SIN3B: variants seen among roughly 807,000 people sequenced by gnomAD.
SIN3B encodes paired amphipathic helix protein Sin3b.
SIN3B carries 19 observed loss-of-function variants against 120.2 expected under a neutral mutation model. That is an observed-to-expected ratio of 0.16 (90% confidence interval 0.11 to 0.23). The LOEUF (loss-of-function observed/expected upper bound fraction) is 0.23, where lower values mean the gene tolerates loss of function less well. SIN3B is among the 10% of genes least tolerant of loss of function. The pLI, the probability that SIN3B is intolerant of heterozygous loss-of-function variation, is 1.00. For synonymous variants in SIN3B, 654 were observed against 653.2 expected, an observed-to-expected ratio of 1.00 and a Z score of -0.02; for missense variants, 1,073 against 1,573.0, an observed-to-expected ratio of 0.68 and a Z score of 5.38.
At chr19:16,838,114 A>G (rs1011647250) in intron 3 of SIN3B, among the ~76,000 whole-genome samples, 3 of 152,152 alleles carry the variant, frequency 2.0e-5, no homozygotes, top group Non-Finnish European at 4.4e-5. Flanking sequence ...ACAGTCGGCA[A>G]ATGGTAGCTT....
rs1599621530 is a variant in SIN3B, at chr19:16,878,816, G to A, written c.*89G>A. The A allele has an allele frequency of 1.6e-5, 18 of 1,143,780 alleles. No homozygotes were observed. Among genetic ancestry groups the A allele is most frequent in the South Asian group, 7.4e-5 (5 of 67,576 alleles). The allele number at this position is 1,143,780 out of a possible 1,614,324, so 70.9% of individuals were successfully genotyped here. On this transcript the variant is annotated 3_prime_UTR_variant, in exon 19 of 19. Transcript: ENST00000248054. The stretch of plus-strand genomic sequence containing the variant: ...TGTCGGGGCCGTTTTCTTGAACGAC[G>A]TGAGAGGCATCTCCCAGCCCCTCTG...
At position 16,865,182 on chromosome 19, in the gene SIN3B, TACGTGGGAGGCTA is replaced by T. The variant is rs1971747667; in HGVS notation, c.1384-226_1384-214del. The T allele has an allele frequency of 1.9e-5, 10 of 530,282 alleles. No individual in the cohort carries two copies. In the East Asian group the frequency reaches 3.1e-4, roughly 16 times the overall value. 32.8% of individuals were successfully genotyped at this position (530,282 alleles called of 1,614,324 possible). On this transcript the variant is annotated intron_variant, in intron 10 of 18. Coordinates refer to ENST00000248054, the MANE Select transcript of SIN3B (RefSeq NM_001297595.2). ...GGTGGTGCACACCTATATTCCTAGC[TACGTGGGAGGCTA>T]AGGTGGGAGGATTGTTTGAGCCCAG...
chr19:16,852,955 T>C, intron 6 of SIN3B, 114 bp from the exon 7 acceptor site: 1 of 784,642 alleles, frequency 1.3e-6, no homozygotes, highest in Non-Finnish European at 2.0e-6. Context: ...GAGCATCTCA[T>C]GGCAGTTCCC....
intron 5 of SIN3B, among the ~76,000 whole-genome samples, chr19:16,851,180 C>T (rs1314031117): frequency 6.6e-6 from 1 of 152,248 alleles, no homozygotes; most frequent in Non-Finnish European, 1.5e-5. Context: ...TCCATAAAGG[C>T]CTCACAGGAG....
chr19:16,854,559 A>G, intron 8 of SIN3B: 1 of 262,616 alleles, frequency 3.8e-6, no homozygotes, highest in Non-Finnish European at 7.3e-6. Flanking sequence ...CGATGAGAAA[A>G]GAAGACATTC....
chr19:16,835,179 GC>G (rs1568411892), intron 3 of SIN3B, among the ~76,000 whole-genome samples: 4 of 151,308 alleles, frequency 2.6e-5, no homozygotes, highest in African/African-American at 9.7e-5. Context: ...GCCTGCCTCG[GC>G]CTCCCAAAGT....
chr19:16,879,942 A>T lies in SIN3B; in HGVS notation c.*1215A>T, dbSNP rs1036366521. On this transcript the variant is annotated 3_prime_UTR_variant, in exon 19 of 19. Coordinates refer to ENST00000248054, the MANE Select transcript of SIN3B (RefSeq NM_001297595.2). Reference sequence around the variant, plus strand: ...GGACTCAAGTTTCCAGGAAGTGGAGATGTGTTTCTAGAAGTTTCCTGTGGA... The same window carrying T: ...GGACTCAAGTTTCCAGGAAGTGGAGTTGTGTTTCTAGAAGTTTCCTGTGGA... The T allele has an allele frequency of 6.6e-6, 1 of 152,180 alleles. No individual in the cohort carries two copies. Among genetic ancestry groups the T allele is most frequent in the African/African-American group, 2.4e-5 (1 of 41,396 alleles). The allele number at this position is 152,180 out of a possible 1,614,324, so 9.4% of individuals were successfully genotyped here.
Position 16,876,439 on chromosome 19 carries a change from G to T in SIN3B, c.2767-47G>T, listed in dbSNP as rs776244607. 1.0e-5 allele frequency: 16 copies of T among 1,590,942 alleles called. No individual in the cohort carries two copies. The highest frequency in any genetic ancestry group is 2.7e-5 in the African/African-American group (2 of 74,494). The stretch of plus-strand genomic sequence containing the variant: ...GGCCTTGCGAGCCTGCGCTGTGCCG[G>T]CTGGGCTGTGCCGGCAGTGGAGGCT... On this transcript the variant is annotated intron_variant, in intron 15 of 18. Coordinates refer to ENST00000248054, the MANE Select transcript of SIN3B (RefSeq NM_001297595.2). The surrounding 1 kb of genome is among the most constrained non-coding windows in gnomAD (Gnocchi z 7.1).
intron 5 of SIN3B, among the ~76,000 whole-genome samples, chr19:16,848,797 G>C (rs1390350056): frequency 6.6e-6 from 1 of 151,954 alleles, no homozygotes; most frequent in Non-Finnish European, 1.5e-5. Context: ...CACTGCGCCC[G>C]GCCTACTTTT....
rs1033052178 is a variant in SIN3B, at chr19:16,879,071, G to A, written c.*344G>A. 16 of 338,124 alleles carry A rather than the reference G, an allele frequency of 4.7e-5. No homozygotes were observed. The highest frequency in any genetic ancestry group is 2.1e-4 in the African/African-American group (10 of 46,626). 20.9% of individuals were successfully genotyped at this position (338,124 alleles called of 1,614,324 possible). A position where few individuals can be genotyped will look rare whatever the true frequency, so the allele number is the denominator to read the frequency against. Reference sequence around the variant, plus strand: ...ATGGCTCCTGCCCCATATTCTTGCCGTGTCTTGGAAAAGTCACAGGTGACA... The same window carrying A: ...ATGGCTCCTGCCCCATATTCTTGCCATGTCTTGGAAAAGTCACAGGTGACA... On this transcript the variant is annotated 3_prime_UTR_variant, in exon 19 of 19. Transcript: ENST00000248054.
intron 13 of SIN3B, among the ~76,000 whole-genome samples, chr19:16,870,736 G>A (rs1055229827): frequency 6.6e-6 from 1 of 151,628 alleles, no homozygotes; most frequent in African/African-American, 2.4e-5. Context: ...TGTATTTTTA[G>A]TGGAGACGAG....
intron 5 of SIN3B, among the ~76,000 whole-genome samples, chr19:16,848,629 G>A (rs1971508188): frequency 6.6e-6 from 1 of 151,944 alleles, no homozygotes; most frequent in African/African-American, 2.4e-5. Flanking sequence ...AGCCTCCTGA[G>A]TAGCTGGGAC....
In SIN3B at chr19:16,829,917, C is replaced by T; in HGVS notation, c.227+20C>T. ...CCAGAGGTACCAGCGGGGCCCCTCT[C>T]CACCTCAGGGGACCCCCCTGGGCCG... On this transcript the variant is annotated intron_variant, in intron 2 of 18. Transcript: ENST00000248054. The T allele has an allele frequency of 1.3e-6, 2 of 1,563,288 alleles. No individual in the cohort carries two copies. Among genetic ancestry groups the T allele is most frequent in the Non-Finnish European group, 1.8e-6 (2 of 1,134,368 alleles).
chr19:16,831,457 C>T, intron 2 of SIN3B, 37 bp from the exon 3 acceptor site: 1 of 1,602,254 alleles, frequency 6.2e-7, no homozygotes, highest in South Asian at 1.1e-5. Flanking sequence ...CATTTATTTC[C>T]CAAGACCCTT....
chr19:16,859,621 C>T (rs961451329), intron 8 of SIN3B, among the ~76,000 whole-genome samples: 3 of 152,098 alleles, frequency 2.0e-5, no homozygotes, highest in African/African-American at 4.8e-5. Context: ...GGTCTGTAAA[C>T]GCCCTGAAGA....
rs1971247666 is a variant in SIN3B, at chr19:16,829,427, C to T, written c.7C>T (p.His3Tyr). 1.7e-6 allele frequency: 2 copies of T among 1,206,138 alleles called. No individual in the cohort carries two copies. The highest frequency in any genetic ancestry group is 4.2e-5 in the South Asian group (1 of 24,066). 74.7% of individuals were successfully genotyped at this position (1,206,138 alleles called of 1,614,324 possible). ...CGCAGCTCCGACTTCGGACATGGCG[C>T]ACGCTGGCGGTGGCAGCGGTGGCAG... The part of the protein sequence containing the change: MA[H>Y]AGGGSGGSGA... The change falls in exon 1 of 19, where the codon CAC becomes TAC. Residue 3 changes from histidine (H) to tyrosine (Y), a missense_variant. This residue lies in a region of SIN3B where 395 missense variants were observed against 528.0 expected (regional missense o/e 0.75). Transcript: ENST00000248054.
intron 8 of SIN3B, among the ~76,000 whole-genome samples, chr19:16,860,787 A>C (rs1317010849): frequency 6.6e-6 from 1 of 151,404 alleles, no homozygotes; most frequent in Non-Finnish European, 1.5e-5. Context: ...TTGTATTTTT[A>C]GTAGAGACGG....
intron 8 of SIN3B, among the ~76,000 whole-genome samples, chr19:16,857,507 T>TA (rs996654070): frequency 3.0e-4 from 29 of 96,100 alleles, no homozygotes; most frequent in African/African-American, 1.0e-3. Context: ...TGCATTAACT[T>TA]AAAAAAAATA....
chr19:16,858,630 G>T (rs974134581), intron 8 of SIN3B, among the ~76,000 whole-genome samples: 1 of 152,134 alleles, frequency 6.6e-6, no homozygotes, highest in Non-Finnish European at 1.5e-5. Flanking sequence ...GGGAGGCCGA[G>T]GGGGAAGGAT....
Sources: gnomAD v4.1 joint callset for allele counts (sites outside exome capture counted in the v4.1 genomes callset) on GRCh38, gnomAD v4.1.1 for gene constraint, gnomAD v4.1.1 regional missense constraint, Gnocchi (gnomAD v3.1) non-coding constraint, MANE v1.5 for transcripts, NCBI Gene and HGNC (gene_info 2026-07-23, HGNC 2026-07-21) for gene names.